Variants in ZNF532 observed in about 807,000 individuals in gnomAD.
ZNF532 encodes the protein zinc finger protein 532.
In ZNF532, 22 loss-of-function variants were observed where a neutral mutation model predicts 89.3. That is an observed-to-expected ratio of 0.25 (90% CI 0.18 to 0.35). ZNF532 has a LOEUF of 0.35. ZNF532 is among the 10% of genes least tolerant of loss of function. The probability of loss-of-function intolerance (pLI) is 1.00; values close to 1 mark genes in which losing one functional copy is unlikely to be tolerated. For missense variants in ZNF532, 1,132 were observed against 1,643.4 expected, an observed-to-expected ratio of 0.69 and a Z score of 5.38; for synonymous variants, 606 against 649.6, an observed-to-expected ratio of 0.93 and a Z score of 1.02.
intron 2 of ZNF532, among the ~76,000 whole-genome samples, chr18:58,899,511 C>T (rs1461218918): frequency 1.3e-5 from 2 of 152,066 alleles, no homozygotes; most frequent in Non-Finnish European, 2.9e-5. Flanking sequence ...CTCTGTCACC[C>T]AGGCTGGAGT....
In ZNF532 at chr18:58,920,150, T is replaced by TGG; in HGVS notation, c.1866_1867dup (p.Asp623GlyfsTer10). 6.2e-7 allele frequency: 1 copy of TGG among 1,613,924 alleles called. No homozygotes were observed. Among genetic ancestry groups the TGG allele is most frequent in the Non-Finnish European group, 8.5e-7 (1 of 1,179,866 alleles). On this transcript the variant is annotated frameshift_variant, in exon 3 of 10. Coordinates refer to ENST00000591808, the MANE Select transcript of ZNF532 (RefSeq NM_001375912.1). LOFTEE classifies it high-confidence loss of function. ...CGCGTGGGTACAAGTGCTTGGAGTG[T>TGG]GGGGACTCCTTTGCACTTGAAAAGA...
chr18:58,874,719 G>A (rs1409496192), intron 2 of ZNF532, among the ~76,000 whole-genome samples: 3 of 152,170 alleles, frequency 2.0e-5, no homozygotes, highest in East Asian at 3.8e-4. Context: ...CTGTACTTTA[G>A]GTTGTCTGTG....
chr18:58,949,704 A>G (rs1390960018), intron 6 of ZNF532, among the ~76,000 whole-genome samples: 3 of 152,238 alleles, frequency 2.0e-5, no homozygotes, highest in Non-Finnish European at 4.4e-5. Flanking sequence ...AGTTACACAA[A>G]AAAGGTCAGT....
intron 2 of ZNF532, among the ~76,000 whole-genome samples, chr18:58,896,892 G>A (rs1284024849): frequency 6.6e-6 from 1 of 152,174 alleles, no homozygotes; most frequent in Non-Finnish European, 1.5e-5. Context: ...AAAATAAGTA[G>A]GGAGACAAGA....
In ZNF532 at chr18:58,985,887, T is replaced by G. The variant is rs1448699834; in HGVS notation, c.*1421T>G. On this transcript the variant is annotated 3_prime_UTR_variant, in exon 10 of 10. Transcript: ENST00000591808. Reference sequence around the variant, plus strand: ...CTTGCTGCTGTCAGGTGTTATGCACTCCATCCATCATAACTGTATGAAACA... The same window carrying G: ...CTTGCTGCTGTCAGGTGTTATGCACGCCATCCATCATAACTGTATGAAACA... 6.6e-6 allele frequency: 1 copy of G among 151,922 alleles called. No individual in the cohort carries two copies. Among genetic ancestry groups the G allele is most frequent in the African/African-American group, 2.4e-5 (1 of 41,258 alleles). The allele number at this position is 151,922 out of a possible 1,614,324, so 9.4% of individuals were successfully genotyped here. A position where few individuals can be genotyped will look rare whatever the true frequency, so the allele number is the denominator to read the frequency against.
intron 2 of ZNF532, among the ~76,000 whole-genome samples, chr18:58,902,946 C>G (rs2059694374): frequency 6.6e-6 from 1 of 152,110 alleles, no homozygotes; most frequent in Admixed American, 6.5e-5. Context: ...TTTTCTTTTT[C>G]CTCTGATCAT....
At chr18:58,869,762 G>GTTTTTTTT in intron 2 of ZNF532, among the ~76,000 whole-genome samples, 1 of 111,492 alleles carries the variant, frequency 9.0e-6, no homozygotes, top group African/African-American at 3.5e-5. Context: ...TGGAAGATCT[G>GTTTTTTTT]TTTTTTTTTT....
intron 7 of ZNF532, among the ~76,000 whole-genome samples, chr18:58,972,045 AACAC>A (rs761143664): frequency 6.6e-6 from 1 of 152,152 alleles, no homozygotes; most frequent in South Asian, 2.1e-4. Flanking sequence ...CTCTATTAAA[AACAC>A]ACAAATTATC....
At chr18:58,967,270 C>T (rs1182318865) in intron 7 of ZNF532, among the ~76,000 whole-genome samples, 1 of 152,136 alleles carries the variant, frequency 6.6e-6, no homozygotes, top group Non-Finnish European at 1.5e-5. Context: ...CCCTACACAG[C>T]TGCCAGAGCA....
intron 4 of ZNF532, among the ~76,000 whole-genome samples, chr18:58,935,128 A>C (rs1366852211): frequency 0.11 from 141 of 1,236 alleles, no homozygotes; most frequent in Admixed American, 0.17. Flanking sequence ...CCTCCTCCCC[A>C]CTCCTCCTCC....
chr18:58,924,409 C>G (rs2061369075), intron 3 of ZNF532, among the ~76,000 whole-genome samples: 1 of 152,202 alleles, frequency 6.6e-6, no homozygotes, highest in South Asian at 2.1e-4. Context: ...AAGTGGATTC[C>G]TGAACCAACC....
chr18:58,916,562 C>G (rs752472049), intron 2 of ZNF532, among the ~76,000 whole-genome samples: 1 of 152,106 alleles, frequency 6.6e-6, no homozygotes, highest in Non-Finnish European at 1.5e-5. Context: ...AGTAAGCCAT[C>G]GAAAGAAAAG....
intron 3 of ZNF532, chr18:58,932,373 C>G (rs2062034228): frequency 6.6e-6 from 1 of 152,114 alleles, no homozygotes; most frequent in South Asian, 2.1e-4. Context: ...TGAAAATGTG[C>G]AAATTTTTTT....
At chr18:58,944,347 C>T (rs1449375753) in intron 5 of ZNF532, among the ~76,000 whole-genome samples, 1 of 151,374 alleles carries the variant, frequency 6.6e-6, no homozygotes, top group Non-Finnish European at 1.5e-5. Flanking sequence ...TTTCCCGCTC[C>T]CCCTCTCCTC....
At chr18:58,905,591 A>G (rs372411928) in intron 2 of ZNF532, among the ~76,000 whole-genome samples, 5 of 151,788 alleles carry the variant, frequency 3.3e-5, no homozygotes, top group African/African-American at 1.2e-4. Flanking sequence ...GTAGAGATGG[A>G]GTTTTGCCAT....
At chr18:58,945,191 G>A (rs899516995) in intron 5 of ZNF532, among the ~76,000 whole-genome samples, 4 of 152,074 alleles carry the variant, frequency 2.6e-5, no homozygotes, top group Admixed American at 6.6e-5. Flanking sequence ...GTCTTTGGCC[G>A]TCCAAAAGGG....
chr18:58,960,301 T>A (rs1035718165), intron 7 of ZNF532, among the ~76,000 whole-genome samples: 10 of 152,212 alleles, frequency 6.6e-5, no homozygotes, highest in African/African-American at 2.4e-4. Context: ...CGTCTCATCT[T>A]GGCCTTCCAA....
At chr18:58,930,228 ACT>A (rs978147026) in intron 3 of ZNF532, among the ~76,000 whole-genome samples, 1 of 151,962 alleles carries the variant, frequency 6.6e-6, no homozygotes, top group African/African-American at 2.4e-5. Flanking sequence ...AAGCTTGAAC[ACT>A]CTCTGATTCC....
chr18:58,887,234 T>G (rs913598511), intron 2 of ZNF532, among the ~76,000 whole-genome samples: 1 of 152,256 alleles, frequency 6.6e-6, no homozygotes, highest in Non-Finnish European at 1.5e-5. Context: ...GTTTGGTATT[T>G]AGTAAACTCT....
Sources: gnomAD v4.1 joint callset for allele counts (sites outside exome capture counted in the v4.1 genomes callset) on GRCh38, gnomAD v4.1.1 for gene constraint, MANE v1.5 for transcripts, NCBI Gene and HGNC (gene_info 2026-07-23, HGNC 2026-07-21) for gene names.